MAD1L1: variants seen among roughly 807,000 people sequenced by gnomAD.
The protein encoded by MAD1L1 is mitotic spindle assembly checkpoint protein MAD1.
A neutral mutation model predicts 96.9 loss-of-function variants in MAD1L1; 95 were observed. The ratio of observed to expected loss-of-function variants is 0.98; its 90% CI spans 0.83 to 1.16. MAD1L1 has a LOEUF of 1.16. Among genes scored for constraint, MAD1L1 ranks in the 50% most tolerant of loss-of-function variants. MAD1L1 has a pLI of 0.00. For missense variants in MAD1L1, 1,007 were observed against 954.4 expected (o/e 1.06, Z -0.73); for synonymous variants, 473 against 396.6 (o/e 1.19, Z -2.29).
intron 18 of MAD1L1, among the ~76,000 whole-genome samples, chr7:1,851,346 G>A (rs911967865): frequency 6.6e-6 from 1 of 152,238 alleles, no homozygotes; most frequent in Non-Finnish European, 1.5e-5. Flanking sequence ...GAGGGTGTCT[G>A]CACGTTCGTC....
intron 17 of MAD1L1, among the ~76,000 whole-genome samples, chr7:1,933,415 G>T (rs562473011): frequency 6.6e-6 from 1 of 152,080 alleles, no homozygotes; most frequent in Admixed American, 6.6e-5. Context: ...GGCACGTGGC[G>T]GGGGTGTGCG....
At chr7:1,937,597 C>T (rs1482651961) in intron 16 of MAD1L1, among the ~76,000 whole-genome samples, 9 of 151,020 alleles carry the variant, frequency 6.0e-5, no homozygotes, top group African/African-American at 2.2e-4. Context: ...CAGCAGGGAA[C>T]AGCCGCCCAC....
At position 2,171,562 on chromosome 7, in the gene MAD1L1, C is replaced by T. The variant is rs573565674; in HGVS notation, c.987-22324G>A. Among the ~76,000 whole-genome samples the T allele has an allele frequency of 1.1e-4, 16 of 151,592 alleles. No homozygotes were observed. In the South Asian group the frequency reaches 1.5e-3, roughly 14 times the overall value. On this transcript the variant is annotated intron_variant, in intron 10 of 18. Coordinates refer to ENST00000265854, the MANE Select transcript of MAD1L1 (RefSeq NM_001013836.2). Reference sequence around the variant, plus strand: ...TGCAAAGGACAGCAGAGAAGGACAGCAGAGAAGCCCAGCAGCTGGAGGGTG... The same window carrying T: ...TGCAAAGGACAGCAGAGAAGGACAGTAGAGAAGCCCAGCAGCTGGAGGGTG...
chr7:1,978,863 A>G (rs965194270), intron 15 of MAD1L1, among the ~76,000 whole-genome samples: 1 of 152,116 alleles, frequency 6.6e-6, no homozygotes, highest in African/African-American at 2.4e-5. Flanking sequence ...CACGGCACAC[A>G]CTCAGTATCT....
At chr7:2,191,739 TA>T (rs972261122) in intron 10 of MAD1L1, among the ~76,000 whole-genome samples, 1 of 146,874 alleles carries the variant, frequency 6.8e-6, no homozygotes, top group African/African-American at 2.5e-5. Flanking sequence ...TCAAAAAAAT[TA>T]AAAAAAATTA....
intron 10 of MAD1L1, among the ~76,000 whole-genome samples, chr7:2,191,724 C>G (rs1024575782): frequency 1.3e-5 from 2 of 151,924 alleles, no homozygotes; most frequent in African/African-American, 4.8e-5. Flanking sequence ...AAGCAAGACT[C>G]TGTCTCAAAA....
Position 2,069,327 on chromosome 7 carries a change from AG to A in MAD1L1, c.1084del (p.Leu362TrpfsTer61). On this transcript the variant is annotated frameshift_variant, in exon 12 of 19. Coordinates refer to ENST00000265854, the MANE Select transcript of MAD1L1 (RefSeq NM_001013836.2). LOFTEE classifies it high-confidence loss of function. ...NSAVTSSARG[L>X]EKARQQLQEE... Reference sequence around the variant, plus strand: ...CTGCAGCTGCTGCCTGGCCTTCTCCAGCCCCCGGGCGCTGCATGGGAGAGAC... The same window carrying A: ...CTGCAGCTGCTGCCTGGCCTTCTCCACCCCCGGGCGCTGCATGGGAGAGAC... The A allele has an allele frequency of 6.2e-7, 1 of 1,600,874 alleles. No homozygotes were observed. The highest frequency in any genetic ancestry group is 8.5e-7 in the Non-Finnish European group (1 of 1,176,550).
At position 2,219,468 on chromosome 7, in the gene MAD1L1, G is replaced by C. The variant is rs200459162; in HGVS notation, c.472-12C>G. ...AGTGCGTTGATGGTCTAAAAGTAGA[G>C]GGGACCAGAGAGCCGCTCAGTGAGT... On this transcript the variant is annotated splice_polypyrimidine_tract_variant and intron_variant, in intron 5 of 18. Coordinates refer to ENST00000265854, the MANE Select transcript of MAD1L1 (RefSeq NM_001013836.2). 1.3e-3 allele frequency: 2,130 copies of C among 1,612,592 alleles called. 3 individuals carry two copies. Among genetic ancestry groups the C allele is most frequent in the Non-Finnish European group, 1.7e-3 (2,015 of 1,179,216 alleles).
At chr7:1,906,204 T>C (rs990401561) in intron 17 of MAD1L1, among the ~76,000 whole-genome samples, 6 of 152,154 alleles carry the variant, frequency 3.9e-5, no homozygotes, top group African/African-American at 1.4e-4. Flanking sequence ...ACGCCAGCCC[T>C]GGTGCTTCTG....
chr7:1,922,070 G>T (rs1788825127), intron 17 of MAD1L1, among the ~76,000 whole-genome samples: 2 of 152,224 alleles, frequency 1.3e-5, no homozygotes, highest in South Asian at 4.1e-4. Flanking sequence ...TCTCCCTGAG[G>T]CAGCTCTGAC....
chr7:1,872,913 G>C (rs1222874297), intron 18 of MAD1L1, among the ~76,000 whole-genome samples: 3 of 152,258 alleles, frequency 2.0e-5, no homozygotes, highest in Non-Finnish European at 4.4e-5. Flanking sequence ...CCCAGGGTGG[G>C]GGGCGCGTCA....
chr7:2,110,085 A>G (rs1787301265), intron 11 of MAD1L1, among the ~76,000 whole-genome samples: 1 of 152,252 alleles, frequency 6.6e-6, no homozygotes, highest in African/African-American at 2.4e-5. Flanking sequence ...CGGGAAGTTC[A>G]GTTTATTAAA....
At chr7:1,939,735 C>A (rs555833146) in intron 16 of MAD1L1, among the ~76,000 whole-genome samples, 1 of 152,258 alleles carries the variant, frequency 6.6e-6, no homozygotes, top group East Asian at 1.9e-4. Context: ...GGTGTGGACA[C>A]ACCCCACGGG....
At chr7:2,148,676 G>C (rs1359718381) in intron 11 of MAD1L1, 2 of 158,888 alleles carry the variant, frequency 1.3e-5, no homozygotes, top group African/African-American at 2.4e-5. Context: ...GTCATCCCAG[G>C]TTCCCTGAAG....
intron 11 of MAD1L1, among the ~76,000 whole-genome samples, chr7:2,132,402 CG>C (rs1788557316): frequency 6.7e-6 from 1 of 149,666 alleles, no homozygotes; most frequent in Non-Finnish European, 1.5e-5. Context: ...ATCACGGCCG[CG>C]TGCAGTCGGT....
intron 17 of MAD1L1, among the ~76,000 whole-genome samples, chr7:1,904,757 G>A (rs1275557421): frequency 7.9e-6 from 1 of 125,890 alleles, no homozygotes; most frequent in Non-Finnish European, 1.6e-5. Context: ...GTTCCAGGCA[G>A]CAAGCACGCA....
intron 12 of MAD1L1, among the ~76,000 whole-genome samples, chr7:2,066,932 C>A (rs1156677233): frequency 6.6e-6 from 1 of 152,218 alleles, no homozygotes; most frequent in Non-Finnish European, 1.5e-5. Flanking sequence ...ACTTAAGAAA[C>A]CAGGAGGTTC....
chr7:1,960,582 T>A (rs1261835686), intron 15 of MAD1L1, among the ~76,000 whole-genome samples: 1 of 152,178 alleles, frequency 6.6e-6, no homozygotes, highest in Non-Finnish European at 1.5e-5. Context: ...AATAAAGAGA[T>A]TGATTAATCA....
chr7:2,075,907 G>A (rs1453246354), intron 11 of MAD1L1, among the ~76,000 whole-genome samples: 1 of 152,216 alleles, frequency 6.6e-6, no homozygotes, highest in Admixed American at 6.5e-5. Context: ...GGCAAGGGCA[G>A]GCATCGCACA....
Sources: allele counts gnomAD v4.1 joint callset (sites outside exome capture counted in the v4.1 genomes callset), GRCh38; gene constraint gnomAD v4.1.1; transcripts MANE v1.5; gene names NCBI Gene and HGNC (gene_info 2026-07-23, HGNC 2026-07-21).